Variants in DAB2IP observed in about 807,000 individuals in gnomAD.
The protein encoded by DAB2IP is DAB2 interacting protein.
A neutral mutation model predicts 107.2 loss-of-function variants in DAB2IP; 28 were observed. That is an observed-to-expected ratio of 0.26 (90% CI 0.19 to 0.36). The LOEUF (loss-of-function observed/expected upper bound fraction) is 0.36. DAB2IP is among the 10% of genes least tolerant of loss of function. The pLI, the probability that DAB2IP is intolerant of heterozygous loss-of-function variation, is 1.00. For missense variants in DAB2IP, 1,400 were observed against 1,644.7 expected (o/e 0.85, Z 2.57); for synonymous variants, 755 against 706.4 (o/e 1.07, Z -1.09).
In DAB2IP at chr9:121,756,013, C is replaced by T. The variant is rs542700069; in HGVS notation, c.363-1000C>T. 1.5e-4 allele frequency among the ~76,000 whole-genome samples: 23 copies of T among 152,208 alleles called. No individual in the cohort carries two copies. The East Asian group carries it at 4.1e-3, about 27-fold the overall frequency. On this transcript the variant is annotated intron_variant, in intron 3 of 15. Transcript: ENST00000408936. ...GCTAAGCCTGGAGTAGGTTTTTCACCAACCCCAGGGTTTGAGCCCTGGACA... is the reference window on the plus strand; with the variant it reads ...GCTAAGCCTGGAGTAGGTTTTTCACTAACCCCAGGGTTTGAGCCCTGGACA...
At chr9:121,620,770 C>A (rs918758182) in intron 1 of DAB2IP, among the ~76,000 whole-genome samples, 1 of 152,132 alleles carries the variant, frequency 6.6e-6, no homozygotes, top group Non-Finnish European at 1.5e-5. Flanking sequence ...GAGGTCCTAA[C>A]CCGGGTACCC....
intron 1 of DAB2IP, among the ~76,000 whole-genome samples, chr9:121,639,588 G>A (rs1344499384): frequency 6.6e-6 from 1 of 152,196 alleles, no homozygotes; most frequent in African/African-American, 2.4e-5. Context: ...GCCTGCGGAG[G>A]GAGGTGGAAG....
At chr9:121,598,157 A>C (rs1208309005) in intron 1 of DAB2IP, 1 of 152,298 alleles carries the variant, frequency 6.6e-6, no homozygotes, top group Non-Finnish European at 1.5e-5. Context: ...CTGGAATTAC[A>C]GGCGTCCTCC....
chr9:121,623,399 C>T (rs1564117682), intron 1 of DAB2IP, among the ~76,000 whole-genome samples: 1 of 152,178 alleles, frequency 6.6e-6, no homozygotes, highest in Non-Finnish European at 1.5e-5. Flanking sequence ...TAGGGTCTTG[C>T]CCTTTTGCCC....
intron 1 of DAB2IP, among the ~76,000 whole-genome samples, chr9:121,608,926 T>TTTTGTTTG (rs532891232): frequency 2.6e-4 from 39 of 152,018 alleles, no homozygotes; most frequent in African/African-American, 7.7e-4. Flanking sequence ...TTTTTCTAGT[T>TTTTGTTTG]TTTGTTTGTT....
At chr9:121,713,305 G>T (rs967870465) in intron 3 of DAB2IP, among the ~76,000 whole-genome samples, 5 of 152,072 alleles carry the variant, frequency 3.3e-5, no homozygotes, top group Non-Finnish European at 7.4e-5. Context: ...GGCTGGGGTG[G>T]GGCCTTAGGA....
intron 3 of DAB2IP, among the ~76,000 whole-genome samples, chr9:121,754,064 G>C (rs141556150): frequency 3.5e-4 from 53 of 152,338 alleles, no homozygotes; most frequent in African/African-American, 1.3e-3. Context: ...GCCAGGGACT[G>C]CTGCAAGCAC....
intron 2 of DAB2IP, among the ~76,000 whole-genome samples, chr9:121,694,940 A>G (rs1028605180): frequency 6.6e-6 from 1 of 152,088 alleles, no homozygotes; most frequent in African/African-American, 2.4e-5. Flanking sequence ...AGATGGGGAC[A>G]TGGGCTGCTT....
intron 1 of DAB2IP, among the ~76,000 whole-genome samples, chr9:121,653,207 CCTTGG>C (rs1832826776): frequency 9.1e-6 from 1 of 109,540 alleles, no homozygotes; most frequent in Non-Finnish European, 2.1e-5. Context: ...CTTTAGTACT[CCTTGG>C]AGGGAGTACT....
At position 121,641,935 on chromosome 9, in the gene DAB2IP, T is replaced by TTCTTTCTTTCTC. The variant is rs1554718106; in HGVS notation, c.41-36740_41-36739insTTCTTTCTCTCT. On this transcript the variant is annotated intron_variant, in intron 1 of 16. Transcript: ENST00000259371. ...TTTCTTTCTTTCTTTCTTTCTTTCT[T>TTCTTTCTTTCTC]TCTCTCTTTCTTTCCTTTCTTTCTT... Among the ~76,000 whole-genome samples the TTCTTTCTTTCTC allele has an allele frequency of 7.5e-4, 85 of 113,698 alleles. 1 individual carries two copies. The highest frequency in any genetic ancestry group is 1.1e-3 in the Non-Finnish European group (62 of 58,864). The allele number at this position is 113,698 out of a possible 152,430, so 74.6% of individuals were successfully genotyped here. A position where few individuals can be genotyped will look rare whatever the true frequency, so the allele number is the denominator to read the frequency against.
intron 3 of DAB2IP, among the ~76,000 whole-genome samples, chr9:121,750,013 G>C (rs1414267720): frequency 6.6e-6 from 1 of 152,160 alleles, no homozygotes; most frequent in Non-Finnish European, 1.5e-5. Flanking sequence ...GAATGGAACA[G>C]ACCAAAGAGG....
rs561026377 is a variant in DAB2IP, at chr9:121,587,608, C to T, written c.40+20380C>T. Among the ~76,000 whole-genome samples, 132 of 138,830 alleles carry T rather than the reference C, an allele frequency of 9.5e-4. 1 individual carries two copies. The highest frequency in any genetic ancestry group is 1.7e-3 in the Non-Finnish European group (113 of 65,648). 91.1% of individuals were successfully genotyped at this position (138,830 alleles called of 152,430 possible). Reference sequence around the variant, plus strand: ...GAGCAATCAGAGTGAGATCCTGTCTCGAAAAGAAAAAAAAAAAAAAAAGAA... The same window carrying T: ...GAGCAATCAGAGTGAGATCCTGTCTTGAAAAGAAAAAAAAAAAAAAAAGAA... On this transcript the variant is annotated intron_variant, in intron 1 of 16. Coordinates refer to the DAB2IP transcript ENST00000259371.
At chr9:121,677,987 C>G (rs534094945) in intron 1 of DAB2IP, among the ~76,000 whole-genome samples, 2 of 151,974 alleles carry the variant, frequency 1.3e-5, no homozygotes, top group African/African-American at 4.8e-5. Flanking sequence ...TAAAAAATTG[C>G]GATAAAATAT....
chr9:121,666,867 A>AGC, intron 1 of DAB2IP, among the ~76,000 whole-genome samples: 1 of 128,592 alleles, frequency 7.8e-6, no homozygotes, highest in East Asian at 2.4e-4. Context: ...CCCCAGCCCC[A>AGC]ACACACACAC....
At chr9:121,680,981 G>C (rs1266863823) in intron 2 of DAB2IP, among the ~76,000 whole-genome samples, 7 of 152,072 alleles carry the variant, frequency 4.6e-5, no homozygotes, top group Admixed American at 2.0e-4. Flanking sequence ...GACCTCAGGT[G>C]ATCCTACCAC....
chr9:121,642,024 TC>T (rs1564128825), intron 1 of DAB2IP, among the ~76,000 whole-genome samples: 15 of 36,364 alleles, frequency 4.1e-4, no homozygotes, highest in South Asian at 1.8e-3. Context: ...TCTCTCTCTC[TC>T]TCTCTCTTTC....
intron 1 of DAB2IP, among the ~76,000 whole-genome samples, chr9:121,594,186 C>G (rs377634968): frequency 6.6e-6 from 1 of 151,708 alleles, no homozygotes; most frequent in Non-Finnish European, 1.5e-5. Flanking sequence ...TAGTAGCATG[C>G]TCTAGGTCAC....
At chr9:121,641,966 C>T (rs1459357179) in intron 1 of DAB2IP, among the ~76,000 whole-genome samples, 32 of 110,126 alleles carry the variant, frequency 2.9e-4, no homozygotes, top group East Asian at 8.4e-4. Flanking sequence ...TTCTTTCTCT[C>T]TCTCTCTTTC....
chr9:121,623,080 A>AGTTAAGAGG (rs1831528421), intron 1 of DAB2IP, among the ~76,000 whole-genome samples: 1 of 152,170 alleles, frequency 6.6e-6, no homozygotes, highest in Non-Finnish European at 1.5e-5. Context: ...TGAGATGCTT[A>AGTTAAGAGG]CTTAAGAGAG....
Sources: allele counts gnomAD v4.1 joint callset (sites outside exome capture counted in the v4.1 genomes callset), GRCh38; gene constraint gnomAD v4.1.1; transcripts MANE v1.5; gene names NCBI Gene and HGNC (gene_info 2026-07-23, HGNC 2026-07-21).